PIEZO2: variants seen among roughly 807,000 people sequenced by gnomAD.
PIEZO2 encodes the protein piezo-type mechanosensitive ion channel component 2.
PIEZO2 carries 172 observed loss-of-function variants against 337.3 expected under a neutral mutation model. The observed-to-expected ratio is 0.51, with a 90% confidence interval of 0.45 to 0.58. The LOEUF is 0.58. Among genes scored for constraint, PIEZO2 ranks in the 20% least tolerant of loss-of-function variants. The probability of loss-of-function intolerance (pLI) is 0.00; values close to 1 mark genes in which losing one functional copy is unlikely to be tolerated. For missense variants in PIEZO2, 3,028 were observed against 3,391.3 expected, an observed-to-expected ratio of 0.89 and a Z score of 2.66; for synonymous variants, 1,251 against 1,228.5, an observed-to-expected ratio of 1.02 and a Z score of -0.38.
Position 11,093,731 on chromosome 18 carries a change from C to A in PIEZO2, c.65-27509G>T, listed in dbSNP as rs560616807. Among the ~76,000 whole-genome samples, 239 of 151,704 alleles carry A rather than the reference C, an allele frequency of 1.6e-3. 1 individual carries two copies. Among genetic ancestry groups the A allele is most frequent in the African/African-American group, 5.4e-3 (223 of 41,396 alleles). ...GCTCCCGAGTAGCTCGGACTACAGG[C>A]GCCCACCACCATCAACATCTTAAAC... On this transcript the variant is annotated intron_variant, in intron 1 of 55. Coordinates refer to ENST00000674853, the MANE Select transcript of PIEZO2 (RefSeq NM_001378183.1).
chr18:10,716,705 A>G lies in PIEZO2; in HGVS notation c.5090-889T>C, dbSNP rs1405700619. Among the ~76,000 whole-genome samples the G allele has an allele frequency of 2.6e-5, 4 of 152,158 alleles. No individual in the cohort carries two copies. Among genetic ancestry groups the G allele is most frequent in the Admixed American group, 2.6e-4 (4 of 15,268 alleles). The stretch of plus-strand genomic sequence containing the variant: ...TCAAGCAAGGTATGTATTTCTCACA[A>G]TCATTCAGATAGAGCCTCTAGCTGC... On this transcript the variant is annotated intron_variant, in intron 37 of 55. Transcript: ENST00000674853. The surrounding 1 kb of genome is among the most constrained non-coding windows in gnomAD (Gnocchi z 4.1).
At position 11,080,779 on chromosome 18, in the gene PIEZO2, G is replaced by A. The variant is rs540597046; in HGVS notation, c.65-14557C>T. Reference sequence around the variant, plus strand: ...GAATCGCTTGAACTCGGGAGGCGGAGGTCACGGTGAGCCAAGATGGTGCCA... The same window carrying A: ...GAATCGCTTGAACTCGGGAGGCGGAAGTCACGGTGAGCCAAGATGGTGCCA... On this transcript the variant is annotated intron_variant, in intron 1 of 55. Coordinates refer to ENST00000674853, the MANE Select transcript of PIEZO2 (RefSeq NM_001378183.1). The surrounding 1 kb of genome is among the most constrained non-coding windows in gnomAD (Gnocchi z 5.4). Among the ~76,000 whole-genome samples, 21 of 152,286 alleles carry A rather than the reference G, an allele frequency of 1.4e-4. No individual in the cohort carries two copies. Among genetic ancestry groups the A allele is most frequent in the African/African-American group, 4.1e-4 (17 of 41,562 alleles).
chr18:11,106,418 C>CTCTTT (rs1555714750), intron 1 of PIEZO2, among the ~76,000 whole-genome samples: 1 of 129,598 alleles, frequency 7.7e-6, no homozygotes, highest in African/African-American at 3.1e-5. Flanking sequence ...TTTCCTCTCT[C>CTCTTT]TTTTTTTTTT....
chr18:10,855,360 A>T lies in PIEZO2; in HGVS notation c.910T>A (p.Tyr304Asn), dbSNP rs751565062. The change falls in exon 7 of 56, where the codon TAT (tyrosine) becomes AAT (asparagine). Residue 304 changes from tyrosine to asparagine, a missense_variant. Physicochemically the swap from Tyr to Asn is moderately radical, Grantham distance 143. Around this residue, in one of 5 missense-constraint regions of PIEZO2, gnomAD observed 542 missense variants for 605.6 expected, o/e 0.89. Coordinates refer to ENST00000674853, the MANE Select transcript of PIEZO2 (RefSeq NM_001378183.1). The surrounding 1 kb of genome is among the most constrained non-coding windows in gnomAD (Gnocchi z 4.9). ...CATAAGGATTTCTCTTACCTTGCAT[A>T]GTAGTCATTGGGTGGAACTGCCTCT... ...FQEAVPPNDY[Y>N]ARLFGIKSVI... 1 of 1,532,648 alleles carries T rather than the reference A, an allele frequency of 6.5e-7. No homozygotes were observed. Among genetic ancestry groups the T allele is most frequent in the South Asian group, 1.2e-5 (1 of 83,970 alleles). The allele number at this position is 1,532,648 out of a possible 1,614,324, so 94.9% of individuals were successfully genotyped here.
chr18:10,698,945 G>T lies in PIEZO2; in HGVS notation c.6674C>A (p.Ser2225Tyr), dbSNP rs1346755518. Residue 2225 changes from serine (S) to tyrosine (Y), a missense_variant, in exon 44 of 56, where the codon TCT becomes TAT. Ser to Tyr is a moderately radical substitution (Grantham distance 144). This residue lies in a region of PIEZO2 where 1,925 missense variants were observed against 2,051.9 expected (regional missense o/e 0.94). Transcript: ENST00000674853. ...SSEPSQRSSFSSNRSQRGSTS... is the reference protein window; with the variant it reads ...SSEPSQRSSFYSNRSQRGSTS... ...GATACCTCTTTGGGATCTGTTTGAA[G>T]AAAAGCTGGATCTCTGGGATGGCTC... 4.6e-6 allele frequency: 7 copies of T among 1,536,518 alleles called. No homozygotes were observed. Among genetic ancestry groups the T allele is most frequent in the Non-Finnish European group, 5.2e-6 (6 of 1,146,918 alleles).
At chr18:10,720,329 T>C (rs1463843879) in intron 36 of PIEZO2, among the ~76,000 whole-genome samples, 2 of 134,760 alleles carry the variant, frequency 1.5e-5, no homozygotes, top group Non-Finnish European at 3.1e-5. Context: ...ATATATATAA[T>C]ATATATATCT....
At chr18:11,039,532 C>G (rs1282878193) in intron 2 of PIEZO2, among the ~76,000 whole-genome samples, 1 of 152,098 alleles carries the variant, frequency 6.6e-6, no homozygotes, top group Non-Finnish European at 1.5e-5. Flanking sequence ...TCCTTTCTCA[C>G]TCTCCTCTAA....
At chr18:10,868,215 C>A (rs1236727097) in intron 5 of PIEZO2, among the ~76,000 whole-genome samples, 2 of 152,240 alleles carry the variant, frequency 1.3e-5, no homozygotes, top group African/African-American at 4.8e-5. Context: ...TGCCATTTCT[C>A]CACTGAGATA....
chr18:10,773,595 T>C lies in PIEZO2; in HGVS notation c.2602A>G (p.Thr868Ala). ...AHPEGSLPDLTMMHLTASLEK... is the reference protein window; with the variant it reads ...AHPEGSLPDLAMMHLTASLEK... ...AGGCTGGCAGTCAGATGCATCATGGTGAGGTCCGGGAGGCTTCCTTCCGGG... is the reference window on the plus strand; with the variant it reads ...AGGCTGGCAGTCAGATGCATCATGGCGAGGTCCGGGAGGCTTCCTTCCGGG... The change falls in exon 20 of 56, where the codon ACC becomes GCC. Residue 868 changes from threonine (T) to alanine (A), a missense_variant. Physicochemically the swap from Thr to Ala is moderately conservative, Grantham distance 58. Transcript: ENST00000674853. This position sits in a 1 kb window ranked among gnomAD's most constrained non-coding sequence, Gnocchi z 5.3. 1.3e-6 allele frequency: 2 copies of C among 1,537,208 alleles called. No individual in the cohort carries two copies. Among genetic ancestry groups the C allele is most frequent in the East Asian group, 4.9e-5 (2 of 40,914 alleles).
At position 10,701,971 on chromosome 18, in the gene PIEZO2, A is replaced by G. The variant is rs1327595462; in HGVS notation, c.6441+18T>C. 1 of 1,507,782 alleles carries G rather than the reference A, an allele frequency of 6.6e-7. No individual in the cohort carries two copies. The highest frequency in any genetic ancestry group is 8.8e-7 in the Non-Finnish European group (1 of 1,136,068). The allele number at this position is 1,507,782 out of a possible 1,614,324, so 93.4% of individuals were successfully genotyped here. A position where few individuals can be genotyped will look rare whatever the true frequency, so the allele number is the denominator to read the frequency against. On this transcript the variant is annotated intron_variant, in intron 43 of 55. Transcript: ENST00000674853. ...GAAGATGACCAACTTGAACTGATTA[A>G]TTGTTAACATGCAGTACCTTCAAAA...
chr18:10,978,829 C>T (rs1487480108), intron 3 of PIEZO2, among the ~76,000 whole-genome samples: 1 of 152,118 alleles, frequency 6.6e-6, no homozygotes, highest in African/African-American at 2.4e-5. Flanking sequence ...ATATGAATTG[C>T]TTTCACCTAC....
At chr18:10,699,846 C>A (rs991176864) in intron 43 of PIEZO2, among the ~76,000 whole-genome samples, 1 of 152,154 alleles carries the variant, frequency 6.6e-6, no homozygotes, top group African/African-American at 2.4e-5. Flanking sequence ...ACGGAGCTCT[C>A]CCCTGAGCTC....
At chr18:11,108,571 A>ATG in intron 1 of PIEZO2, among the ~76,000 whole-genome samples, 4 of 131,446 alleles carry the variant, frequency 3.0e-5, no homozygotes, top group Admixed American at 1.8e-4. Context: ...CTGAGATCGC[A>ATG]CCACTGCACT....
intron 37 of PIEZO2, 43 bp downstream of exon 37, chr18:10,718,157 T>C: frequency 6.7e-7 from 1 of 1,484,442 alleles, no homozygotes; most frequent in South Asian, 1.2e-5. Context: ...GCAGGTATCA[T>C]TTTCAAAGTT....
At chr18:11,098,420 T>C (rs1017125424) in intron 1 of PIEZO2, among the ~76,000 whole-genome samples, 6 of 151,680 alleles carry the variant, frequency 4.0e-5, no homozygotes, top group African/African-American at 7.3e-5. Context: ...TACATGTTTT[T>C]CATAAAGTTT....
rs1568164981 is a variant in PIEZO2 at position 10,886,323 on chromosome 18, C to CATACATATAT, written c.330-14909_330-14908insATATATGTAT. On this transcript the variant is annotated intron_variant, in intron 4 of 55. Coordinates refer to ENST00000674853, the MANE Select transcript of PIEZO2 (RefSeq NM_001378183.1). ...CAGATGGTACCAAACCCTATACATA[C>CATACATATAT]ATATATATATATATATATATACACA... 6.1e-4 allele frequency among the ~76,000 whole-genome samples: 16 copies of CATACATATAT among 26,376 alleles called. 6 individuals carry two copies. The East Asian group carries it at 7.4e-3, about 12-fold the overall frequency. The allele number at this position is 26,376 out of a possible 152,430, so 17.3% of individuals were successfully genotyped here.
intron 2 of PIEZO2, among the ~76,000 whole-genome samples, chr18:10,981,057 A>G (rs1356263670): frequency 1.3e-5 from 2 of 152,176 alleles, no homozygotes; most frequent in African/African-American, 4.8e-5. Context: ...AGCCTGCACT[A>G]CTGACTGTGA....
intron 3 of PIEZO2, among the ~76,000 whole-genome samples, chr18:10,955,945 T>C (rs2033502758): frequency 6.6e-6 from 1 of 152,216 alleles, no homozygotes; most frequent in African/African-American, 2.4e-5. Flanking sequence ...AAATATTTGT[T>C]AGATGATGAA....
At position 11,038,981 on chromosome 18, in the gene PIEZO2, A is replaced by G. The variant is rs2037020033; in HGVS notation, c.160+27146T>C. On this transcript the variant is annotated intron_variant, in intron 2 of 55. Transcript: ENST00000674853. This position sits in a 1 kb window ranked among gnomAD's most constrained non-coding sequence, Gnocchi z 4.1. ...TAGGTGTTTGATATATCCTTACGCA[A>G]AATAACTGGGCAAAAGATATTGTTT... 6.6e-6 allele frequency among the ~76,000 whole-genome samples: 1 copy of G among 152,210 alleles called. No homozygotes were observed. The highest frequency in any genetic ancestry group is 2.4e-5 in the African/African-American group (1 of 41,440).
Sources: allele counts gnomAD v4.1 joint callset (sites outside exome capture counted in the v4.1 genomes callset), GRCh38; gene constraint gnomAD v4.1.1; regional missense constraint gnomAD v4.1.1; non-coding constraint Gnocchi (gnomAD v3.1); transcripts MANE v1.5; gene names NCBI Gene and HGNC (gene_info 2026-07-23, HGNC 2026-07-21).